RPA2: variants seen among roughly 807,000 people sequenced by gnomAD.
RPA2 encodes the protein replication protein A 32 kDa subunit.
Under a neutral mutation model 33.4 loss-of-function variants are expected in RPA2, and 22 were observed. The observed-to-expected ratio is 0.66, with a 90% CI of 0.47 to 0.94. The LOEUF is 0.94. Among genes scored for constraint, RPA2 ranks in the 40% least tolerant of loss-of-function variants. RPA2 has a pLI of 0.00. For synonymous variants in RPA2, 109 were observed against 114.9 expected (o/e 0.95, Z 0.33); for missense variants, 279 against 329.9 (o/e 0.85, Z 1.19).
In RPA2 at chr1:27,894,113, A is replaced by G. The variant is rs2089859988; in HGVS notation, c.634-7T>C. 3 of 1,611,452 alleles carry G rather than the reference A, an allele frequency of 1.9e-6. No homozygotes were observed. Among genetic ancestry groups the G allele is most frequent in the African/African-American group, 1.3e-5 (1 of 74,916 alleles). On this transcript the variant is annotated splice_region_variant and splice_polypyrimidine_tract_variant and intron_variant, in intron 7 of 8. Coordinates refer to ENST00000373912, the MANE Select transcript of RPA2 (RefSeq NM_002946.5). ...CCTTAATCAAATTCAACACCTGAAG[A>G]TTCAAATCAGAAAGATTTTAGCAAT...
Position 27,896,986 on chromosome 1 carries a change from G to A in RPA2, c.525+19C>T, listed in dbSNP as rs758611166. 21 of 1,559,708 alleles carry A rather than the reference G, an allele frequency of 1.3e-5. No homozygotes were observed. Among genetic ancestry groups the A allele is most frequent in the Admixed American group, 1.8e-5 (1 of 56,026 alleles). On this transcript the variant is annotated intron_variant, in intron 6 of 8. Transcript: ENST00000373912. ...TTCTTCCAGGGAAGAGAAAAAGCTA[G>A]GAAAGCGAGACTACTCACCTGGCTG... is the stretch of plus-strand genomic sequence containing the variant.
In RPA2 at chr1:27,906,972, T is replaced by C. The variant is rs1448750353; in HGVS notation, c.289A>G (p.Met97Val). 2 of 1,614,066 alleles carry C rather than the reference T, an allele frequency of 1.2e-6. No homozygotes were observed. Among genetic ancestry groups the C allele is most frequent in the African/African-American group, 1.3e-5 (1 of 75,006 alleles). ...CGAACGTCCATGGGTGCAGCTGTCA[T>C]GTCATCTATTTTGTAAACAATGTTG... ...PTNIVYKIDD[M>V]TAAPMDVRQW... Residue 97 changes from methionine to valine, a missense_variant, in exon 4 of 9, where the codon ATG (methionine) becomes GTG (valine). By Grantham distance (21) the Met-to-Val change is conservative. Around this residue, in one of 2 missense-constraint regions of RPA2, gnomAD observed 274 missense variants for 310.3 expected, o/e 0.88. Transcript: ENST00000373912.
intron 4 of RPA2, among the ~76,000 whole-genome samples, chr1:27,898,692 C>T (rs1209372211): frequency 6.6e-6 from 1 of 151,812 alleles, no homozygotes; most frequent in Non-Finnish European, 1.5e-5. Context: ...ACTATAGGCG[C>T]CTGCCACCAC....
intron 8 of RPA2, 118 bp downstream of exon 8, chr1:27,893,894 C>A: frequency 1.3e-6 from 1 of 783,070 alleles, no homozygotes; most frequent in East Asian, 2.7e-5. Flanking sequence ...CAGGCGTGAG[C>A]CACCATGCCC....
intron 5 of RPA2, among the ~76,000 whole-genome samples, chr1:27,897,337 T>C (rs2089905906): frequency 6.6e-6 from 1 of 152,068 alleles, no homozygotes. Context: ...CAAGATTGCA[T>C]AACCAAGCAA....
chr1:27,902,261 A>AT (rs1257721528), intron 4 of RPA2, among the ~76,000 whole-genome samples: 29 of 147,450 alleles, frequency 2.0e-4, no homozygotes, highest in Non-Finnish European at 3.3e-4. Flanking sequence ...TAATTTTTTA[A>AT]TTTTTTTTAT....
Position 27,914,497 on chromosome 1 carries a change from G to T in RPA2, c.-54C>A. On this transcript the variant is annotated 5_prime_UTR_variant, in exon 1 of 9. Transcript: ENST00000373912. ...GAGAAGGTGCGGGTCTGGGGGAATAGCGGAAAACCACAGAACGCGGCCGCC... is the reference window on the plus strand; with the variant it reads ...GAGAAGGTGCGGGTCTGGGGGAATATCGGAAAACCACAGAACGCGGCCGCC... The T allele has an allele frequency of 1.3e-6, 2 of 1,594,062 alleles. No homozygotes were observed. The highest frequency in any genetic ancestry group is 1.7e-6 in the Non-Finnish European group (2 of 1,170,474).
chr1:27,903,589 C>T (rs2089993169), intron 4 of RPA2, among the ~76,000 whole-genome samples: 1 of 151,604 alleles, frequency 6.6e-6, no homozygotes, highest in African/African-American at 2.4e-5. Flanking sequence ...TGTGGTGGTG[C>T]ACGCCTATAG....
chr1:27,900,664 G>A (rs12070659), intron 4 of RPA2, among the ~76,000 whole-genome samples: 69,239 of 151,594 alleles, frequency 0.46, 16,744 homozygotes, highest in African/African-American at 0.63. Flanking sequence ...AGTGGATGAG[G>A]AGTTGCTTCC....
Position 27,897,972 on chromosome 1 carries a change from A to C in RPA2, c.334-265T>G, listed in dbSNP as rs1333746824. On this transcript the variant is annotated intron_variant, in intron 4 of 8. Transcript: ENST00000373912. Reference sequence around the variant, plus strand: ...GCAAACAATTGTGACACTCTCGTTCAAGCTCTTAGGCACACAATTTTCTTT... The same window carrying C: ...GCAAACAATTGTGACACTCTCGTTCCAGCTCTTAGGCACACAATTTTCTTT... Among the ~76,000 whole-genome samples, 6 of 152,334 alleles carry C rather than the reference A, an allele frequency of 3.9e-5. No individual in the cohort carries two copies. In the South Asian group the frequency reaches 1.0e-3, roughly 26 times the overall value.
chr1:27,892,099 G>A lies in RPA2; in HGVS notation c.*64C>T. On this transcript the variant is annotated 3_prime_UTR_variant, in exon 9 of 9. Transcript: ENST00000373912. ...CCCCTGGCCAGACATATGCAGAGCT[G>A]GAGACAACAGATTGTGAAACTAGGT... 8.7e-6 allele frequency: 12 copies of A among 1,380,864 alleles called. No homozygotes were observed. Among genetic ancestry groups the A allele is most frequent in the Non-Finnish European group, 1.0e-5 (10 of 971,114 alleles). The allele number at this position is 1,380,864 out of a possible 1,614,324, so 85.5% of individuals were successfully genotyped here. A position where few individuals can be genotyped will look rare whatever the true frequency, so the allele number is the denominator to read the frequency against.
chr1:27,912,934 C>T (rs1168025301), intron 2 of RPA2, among the ~76,000 whole-genome samples: 1 of 152,170 alleles, frequency 6.6e-6, no homozygotes, highest in East Asian at 1.9e-4. Flanking sequence ...GCAGAACACA[C>T]GTCTATGACT....
At chr1:27,913,961 G>T in intron 2 of RPA2, 102 bp downstream of exon 2, 1 of 1,079,202 alleles carries the variant, frequency 9.3e-7, no homozygotes, top group Non-Finnish European at 1.3e-6. Context: ...TATCGCATCA[G>T]TTCACGTTGA....
chr1:27,891,898 G>A lies in RPA2; in HGVS notation c.*265C>T, dbSNP rs28904908. Reference sequence around the variant, plus strand: ...GCATCCTTCCAATTCCATCTATCTTGATGTTGTAACAAGCTTATTTGTAAC... The same window carrying A: ...GCATCCTTCCAATTCCATCTATCTTAATGTTGTAACAAGCTTATTTGTAAC... On this transcript the variant is annotated 3_prime_UTR_variant, in exon 9 of 9. Transcript: ENST00000373912. 9 of 427,600 alleles carry A rather than the reference G, an allele frequency of 2.1e-5. No individual in the cohort carries two copies. The East Asian group carries it at 3.2e-4, about 15-fold the overall frequency. The allele number at this position is 427,600 out of a possible 1,614,324, so 26.5% of individuals were successfully genotyped here.
chr1:27,912,624 T>TA (rs1208760787), intron 2 of RPA2, among the ~76,000 whole-genome samples: 1 of 152,098 alleles, frequency 6.6e-6, no homozygotes, highest in East Asian at 1.9e-4. Context: ...CACATTGCCT[T>TA]ACTCATCAAT....
rs1008120997 is a variant in RPA2, at chr1:27,897,677, G to A, written c.364C>T (p.Pro122Ser). 4 of 1,602,422 alleles carry A rather than the reference G, an allele frequency of 2.5e-6. No individual in the cohort carries two copies. The highest frequency in any genetic ancestry group is 3.4e-6 in the Non-Finnish European group (4 of 1,174,582). The change falls in exon 5 of 9, where the codon CCA (proline) becomes TCA (serine). Residue 122 changes from proline to serine, a missense_variant. Coordinates refer to ENST00000373912, the MANE Select transcript of RPA2 (RefSeq NM_002946.5). Reference protein sequence around the residue: ...DTSSENTVVPPETYVKVAGHL... With the variant: ...DTSSENTVVPSETYVKVAGHL... Reference sequence around the variant, plus strand: ...CCTGCCACTTTCACATATGTTTCTGGAGGAACCACAGTGTTTTCACTGCTG... The same window carrying A: ...CCTGCCACTTTCACATATGTTTCTGAAGGAACCACAGTGTTTTCACTGCTG...
chr1:27,914,330 C>T, intron 1 of RPA2, 104 bp downstream of exon 1: 1 of 1,613,374 alleles, frequency 6.2e-7, no homozygotes, highest in Non-Finnish European at 8.5e-7. Context: ...TCCGCTCCCG[C>T]CCTTCCTCTC....
intron 2 of RPA2, 32 bp downstream of exon 2, chr1:27,914,031 T>C (rs375950823): frequency 2.0e-5 from 31 of 1,537,966 alleles, no homozygotes; most frequent in Non-Finnish European, 2.6e-5. Flanking sequence ...CAGGACAGGA[T>C]AAAACAAAAC....
chr1:27,900,790 G>A lies in RPA2; in HGVS notation c.334-3083C>T, dbSNP rs552660000. ...AGTGATTCTCCTGCCTCACCCTCCC[G>A]AGTAGCCAGGATTACAGGCATGTAC... On this transcript the variant is annotated intron_variant, in intron 4 of 8. Transcript: ENST00000373912. Among the ~76,000 whole-genome samples the A allele has an allele frequency of 3.3e-5, 5 of 151,974 alleles. No individual in the cohort carries two copies. The South Asian group carries it at 6.2e-4, about 19-fold the overall frequency.
Sources: allele counts gnomAD v4.1 joint callset (sites outside exome capture counted in the v4.1 genomes callset), GRCh38; gene constraint gnomAD v4.1.1; regional missense constraint gnomAD v4.1.1; transcripts MANE v1.5; gene names NCBI Gene and HGNC (gene_info 2026-07-23, HGNC 2026-07-21).